Variants in DEUP1 observed in about 807,000 individuals in gnomAD.
DEUP1 encodes deuterosome assembly protein 1, also known as coiled-coil domain containing 67.
DEUP1 carries 82 observed loss-of-function variants against 87.4 expected under a neutral mutation model. The observed-to-expected ratio is 0.94, with a 90% CI of 0.78 to 1.13. DEUP1 has a LOEUF of 1.13. Ranked by LOEUF, DEUP1 falls within the 50% of genes most tolerant of loss-of-function variation. The pLI is 0.00. For missense variants in DEUP1, 663 were observed against 681.5 expected, an observed-to-expected ratio of 0.97 and a Z score of 0.30; for synonymous variants, 214 against 222.7, an observed-to-expected ratio of 0.96 and a Z score of 0.35.
intron 13 of DEUP1, among the ~76,000 whole-genome samples, chr11:93,428,414 G>T (rs1947999025): frequency 6.8e-6 from 1 of 147,498 alleles, no homozygotes; most frequent in Non-Finnish European, 1.5e-5. Context: ...ATGGACACAG[G>T]AAAGGGAACA....
intron 7 of DEUP1, among the ~76,000 whole-genome samples, chr11:93,385,158 G>A (rs968314217): frequency 9.9e-5 from 15 of 152,118 alleles, no homozygotes; most frequent in Admixed American, 3.3e-4. Context: ...GGAGGCAGTC[G>A]CAATGAGCCA....
intron 6 of DEUP1, among the ~76,000 whole-genome samples, chr11:93,370,766 T>G (rs546940099): frequency 2.1e-4 from 32 of 152,276 alleles, no homozygotes; most frequent in African/African-American, 7.0e-4. Flanking sequence ...CCTTCTAGAT[T>G]TTTTTTCTTG....
chr11:93,368,627 G>A (rs1194692729), intron 5 of DEUP1, among the ~76,000 whole-genome samples: 3 of 152,160 alleles, frequency 2.0e-5, no homozygotes, highest in Non-Finnish European at 4.4e-5. Context: ...GCACTAGGGA[G>A]ATGGTGCTAA....
rs1438561116 is a variant in DEUP1, at chr11:93,369,649, C to T, written c.433-424C>T. Among the ~76,000 whole-genome samples, 2 of 73,540 alleles carry T rather than the reference C, an allele frequency of 2.7e-5. 1 individual carries two copies. The highest frequency in any genetic ancestry group is 1.0e-4 in the African/African-American group (2 of 19,244). 48.2% of individuals were successfully genotyped at this position (73,540 alleles called of 152,430 possible). Reference sequence around the variant, plus strand: ...CCCTAATAGGTAAAGAATGGATTTACGGCCGGGCGCGGTGGCTCACGCCTG... The same window carrying T: ...CCCTAATAGGTAAAGAATGGATTTATGGCCGGGCGCGGTGGCTCACGCCTG... On this transcript the variant is annotated intron_variant, in intron 5 of 13. Transcript: ENST00000298050.
At chr11:93,373,420 A>T (rs1945836644) in intron 7 of DEUP1, among the ~76,000 whole-genome samples, 1 of 151,756 alleles carries the variant, frequency 6.6e-6, no homozygotes, top group Non-Finnish European at 1.5e-5. Flanking sequence ...CTTAGCTCCT[A>T]CTTATGAGTG....
rs79124786 is a variant in DEUP1 at position 93,415,206 on chromosome 11, G to A, written c.1638+92G>A. 1,733 of 732,192 alleles carry A rather than the reference G, an allele frequency of 2.4e-3. 21 individuals carry two copies. In the African/African-American group the frequency reaches 0.028, roughly 12 times the overall value. 45.4% of individuals were successfully genotyped at this position (732,192 alleles called of 1,614,324 possible). ...AATAAACTGACGTACATAGTAGTTC[G>A]TTTGTTTTTAATCTCACTCCTTGAA... is the stretch of plus-strand genomic sequence containing the variant. On this transcript the variant is annotated intron_variant, in intron 13 of 13. Coordinates refer to ENST00000298050, the MANE Select transcript of DEUP1 (RefSeq NM_181645.4).
At chr11:93,358,372 TTAA>T (rs1944997895) in intron 4 of DEUP1, among the ~76,000 whole-genome samples, 1 of 152,208 alleles carries the variant, frequency 6.6e-6, no homozygotes, top group African/African-American at 2.4e-5. Context: ...TTATGGTAAC[TTAA>T]TAAAAATTTG....
rs931009151 is a variant in DEUP1 at position 93,352,427 on chromosome 11, CTG to C, written c.30-2942_30-2941del. On this transcript the variant is annotated intron_variant, in intron 2 of 13. Transcript: ENST00000298050. ...CTCTGTAGTGAGAGCACTTACCAAT[CTG>C]TCTTAACAACAGTTGCTATAGTCCT... is the stretch of plus-strand genomic sequence containing the variant. The C allele has an allele frequency of 1.7e-5, 12 of 701,652 alleles. No individual in the cohort carries two copies. In the African/African-American group the frequency reaches 2.1e-4, roughly 12 times the overall value. The allele number at this position is 701,652 out of a possible 1,614,324, so 43.5% of individuals were successfully genotyped here.
intron 2 of DEUP1, among the ~76,000 whole-genome samples, chr11:93,342,102 A>G (rs772571498): frequency 1.1e-4 from 16 of 151,950 alleles, no homozygotes; most frequent in Non-Finnish European, 1.9e-4. Context: ...AACTTATGTG[A>G]AGATCTTTTT....
intron 13 of DEUP1, among the ~76,000 whole-genome samples, chr11:93,429,363 G>A (rs1191503388): frequency 6.6e-6 from 1 of 152,090 alleles, no homozygotes; most frequent in African/African-American, 2.4e-5. Flanking sequence ...GAAATTCTAA[G>A]GGGACTTTGC....
In DEUP1 at chr11:93,394,441, A is replaced by G. The variant is rs371924266; in HGVS notation, c.1042-18A>G. Reference sequence around the variant, plus strand: ...AATAAAAGGATTCAATAATATTTCCAGTCTCTATCTGCTGCAGATAAGAAG... The same window carrying G: ...AATAAAAGGATTCAATAATATTTCCGGTCTCTATCTGCTGCAGATAAGAAG... On this transcript the variant is annotated intron_variant, in intron 9 of 13. Transcript: ENST00000298050. 8.0e-6 allele frequency: 12 copies of G among 1,507,202 alleles called. No individual in the cohort carries two copies. The African/African-American group carries it at 1.7e-4, about 21-fold the overall frequency. 93.4% of individuals were successfully genotyped at this position (1,507,202 alleles called of 1,614,324 possible).
chr11:93,346,461 A>T (rs1944354176), intron 2 of DEUP1, among the ~76,000 whole-genome samples: 1 of 152,148 alleles, frequency 6.6e-6, no homozygotes, highest in African/African-American at 2.4e-5. Context: ...TCCTGAACTC[A>T]AGTGATCTGC....
At chr11:93,410,799 G>A (rs1370483891) in intron 12 of DEUP1, among the ~76,000 whole-genome samples, 2 of 152,188 alleles carry the variant, frequency 1.3e-5, no homozygotes, top group African/African-American at 2.4e-5. Context: ...AGTACAGAAT[G>A]TGTTAAAAGT....
At chr11:93,409,584 T>C (rs919033586) in intron 12 of DEUP1, among the ~76,000 whole-genome samples, 1 of 152,190 alleles carries the variant, frequency 6.6e-6, no homozygotes, top group Non-Finnish European at 1.5e-5. Flanking sequence ...CATTTCATAG[T>C]GCCAAGAAAC....
intron 4 of DEUP1, among the ~76,000 whole-genome samples, chr11:93,362,550 A>G (rs2134237962): frequency 6.6e-6 from 1 of 152,004 alleles, no homozygotes; most frequent in African/African-American, 2.4e-5. Context: ...AAAGAAAATA[A>G]CAAGTGTTGG....
rs1307238084 is a variant in DEUP1 at position 93,393,976 on chromosome 11, TA to T, written c.1042-481del. 2.0e-5 allele frequency among the ~76,000 whole-genome samples: 3 copies of T among 152,306 alleles called. No individual in the cohort carries two copies. In the East Asian group the frequency reaches 5.8e-4, roughly 29 times the overall value. On this transcript the variant is annotated intron_variant, in intron 9 of 13. Coordinates refer to ENST00000298050, the MANE Select transcript of DEUP1 (RefSeq NM_181645.4). The stretch of plus-strand genomic sequence containing the variant: ...TGAAGACATTGTTTGAAGTTTACTG[TA>T]ATGTGATTCTGAGAAACAAATGTTT...
At position 93,377,207 on chromosome 11, in the gene DEUP1, G is replaced by A. The variant is rs375069720; in HGVS notation, c.789+5927G>A. Among the ~76,000 whole-genome samples, 509 of 152,180 alleles carry A rather than the reference G, an allele frequency of 3.3e-3. 1 individual carries two copies. Among genetic ancestry groups the A allele is most frequent in the African/African-American group, 0.012 (487 of 41,486 alleles). Reference sequence around the variant, plus strand: ...TGATGACCTGTCTAGTGCTGTCAGTGGAGTATTGAAGTCCCCCACTATTAC... The same window carrying A: ...TGATGACCTGTCTAGTGCTGTCAGTAGAGTATTGAAGTCCCCCACTATTAC... On this transcript the variant is annotated intron_variant, in intron 7 of 13. Transcript: ENST00000298050.
chr11:93,353,607 C>T (rs1944740842), intron 2 of DEUP1, among the ~76,000 whole-genome samples: 1 of 152,246 alleles, frequency 6.6e-6, no homozygotes, highest in South Asian at 2.1e-4. Flanking sequence ...CATGGGCATC[C>T]AGGCATTTCC....
chr11:93,394,058 A>G (rs1402335880), intron 9 of DEUP1, among the ~76,000 whole-genome samples: 1 of 152,236 alleles, frequency 6.6e-6, no homozygotes, highest in Admixed American at 6.5e-5. Flanking sequence ...TTTAAAGCCA[A>G]GAGTCCTAGA....
Sources: allele counts gnomAD v4.1 joint callset (sites outside exome capture counted in the v4.1 genomes callset), GRCh38; gene constraint gnomAD v4.1.1; transcripts MANE v1.5; gene names NCBI Gene and HGNC (gene_info 2026-07-23, HGNC 2026-07-21).